Variants in TBC1D22A observed in about 807,000 individuals in gnomAD.
The protein encoded by TBC1D22A is TBC1 domain family member 22A.
A neutral mutation model predicts 60.2 loss-of-function variants in TBC1D22A; 38 were observed. The ratio of observed to expected loss-of-function variants is 0.63; its 90% CI spans 0.49 to 0.83. TBC1D22A has a LOEUF of 0.83. TBC1D22A is among the 40% of genes least tolerant of loss of function. The probability of loss-of-function intolerance (pLI) is 0.00; values close to 1 mark genes in which losing one functional copy is unlikely to be tolerated. For synonymous variants in TBC1D22A, 302 were observed against 281.7 expected, an observed-to-expected ratio of 1.07 and a Z score of -0.72; for missense variants, 628 against 701.0, an observed-to-expected ratio of 0.90 and a Z score of 1.18.
At chr22:47,014,034 G>A (rs73486720) in intron 10 of TBC1D22A, among the ~76,000 whole-genome samples, 81 of 152,334 alleles carry the variant, frequency 5.3e-4, no homozygotes, top group African/African-American at 1.8e-3. Context: ...GCAGTGGGGC[G>A]TGTGGGGATG....
chr22:46,855,480 G>A (rs528994078), intron 4 of TBC1D22A, among the ~76,000 whole-genome samples: 1 of 152,296 alleles, frequency 6.6e-6, no homozygotes, highest in South Asian at 2.1e-4. Context: ...GGGTTCAGAG[G>A]GGCCTGGAAA....
intron 12 of TBC1D22A, among the ~76,000 whole-genome samples, chr22:47,157,159 CT>C (rs2067755266): frequency 6.6e-6 from 1 of 152,210 alleles, no homozygotes; most frequent in African/African-American, 2.4e-5. Context: ...TGTGTTGGCT[CT>C]TTTCACGTAG....
In TBC1D22A at chr22:47,095,317, C is replaced by T. The variant is rs569520596; in HGVS notation, c.1330-16191C>T. Among the ~76,000 whole-genome samples, 40 of 152,334 alleles carry T rather than the reference C, an allele frequency of 2.6e-4. No homozygotes were observed. In the South Asian group the frequency reaches 2.9e-3, roughly 11 times the overall value. ...TAAATACGCATATGCGGGGAAATCTCGTGAGGCCAGAAGGCCATTTGTTTT... is the reference window on the plus strand; with the variant it reads ...TAAATACGCATATGCGGGGAAATCTTGTGAGGCCAGAAGGCCATTTGTTTT... On this transcript the variant is annotated intron_variant, in intron 11 of 12. Coordinates refer to ENST00000337137, the MANE Select transcript of TBC1D22A (RefSeq NM_014346.5).
chr22:46,821,319 G>C (rs1421531318), intron 4 of TBC1D22A, among the ~76,000 whole-genome samples: 1 of 152,112 alleles, frequency 6.6e-6, no homozygotes, highest in Non-Finnish European at 1.5e-5. Context: ...TGATGCAGTT[G>C]CTTCATAGTG....
In TBC1D22A at chr22:46,964,181, C is replaced by G. The variant is rs79288247; in HGVS notation, c.1016-10109C>G. Among the ~76,000 whole-genome samples the G allele has an allele frequency of 1.3e-5, 2 of 152,258 alleles. 1 individual carries two copies. Among genetic ancestry groups the G allele is most frequent in the South Asian group, 4.1e-4 (2 of 4,822 alleles). On this transcript the variant is annotated intron_variant, in intron 8 of 12. Transcript: ENST00000337137. ...CTCTGTGTAGGAAGGCTGGGCCATC[C>G]GAAACACATTCTTTGTGTGAAGCCT... is the stretch of plus-strand genomic sequence containing the variant.
intron 8 of TBC1D22A, among the ~76,000 whole-genome samples, chr22:46,966,870 G>A (rs779957497): frequency 3.9e-5 from 6 of 152,184 alleles, no homozygotes; most frequent in Non-Finnish European, 5.9e-5. Flanking sequence ...CTGCGGGTCT[G>A]CTTGCGGGTG....
intron 12 of TBC1D22A, among the ~76,000 whole-genome samples, chr22:47,134,376 C>T (rs1057200025): frequency 8.5e-5 from 13 of 152,232 alleles, no homozygotes; most frequent in Admixed American, 6.5e-5. Flanking sequence ...AAACAAATGA[C>T]GCCGGCCTGA....
intron 4 of TBC1D22A, among the ~76,000 whole-genome samples, chr22:46,828,232 A>G (rs16995760): frequency 0.039 from 5,934 of 152,234 alleles, 359 homozygotes; most frequent in African/African-American, 0.13. Context: ...ATGATTTCTC[A>G]CCCACGGATT....
rs983273763 is a variant in TBC1D22A at position 46,990,431 on chromosome 22, C to T, written c.1126-7203C>T. Among the ~76,000 whole-genome samples, 1 of 152,138 alleles carries T rather than the reference C, an allele frequency of 6.6e-6. No homozygotes were observed. Among genetic ancestry groups the T allele is most frequent in the Non-Finnish European group, 1.5e-5 (1 of 68,026 alleles). ...TGTGCTCCTCAGCGTCCTCCTTCAG[C>T]CCCAGCCTCCCTGTGATTAGTATCT... On this transcript the variant is annotated intron_variant, in intron 9 of 12. Transcript: ENST00000337137. This position sits in a 1 kb window ranked among gnomAD's most constrained non-coding sequence, Gnocchi z 4.6.
intron 1 of TBC1D22A, among the ~76,000 whole-genome samples, chr22:46,779,858 C>T (rs1002388896): frequency 6.6e-6 from 1 of 152,284 alleles, no homozygotes; most frequent in South Asian, 2.1e-4. Context: ...TGCTGCCAGT[C>T]AGAGTGGTGT....
intron 8 of TBC1D22A, among the ~76,000 whole-genome samples, chr22:46,940,575 CAT>C (rs751740650): frequency 2.2e-5 from 3 of 136,576 alleles, no homozygotes; most frequent in Admixed American, 7.4e-5. Context: ...CACACACACA[CAT>C]GCACACACAC....
In TBC1D22A at chr22:46,974,534, A is replaced by T. The variant is rs559821097; in HGVS notation, c.1125+135A>T. The T allele has an allele frequency of 8.3e-6, 6 of 726,988 alleles. No individual in the cohort carries two copies. The South Asian group carries it at 9.8e-5, about 12-fold the overall frequency. 45.0% of individuals were successfully genotyped at this position (726,988 alleles called of 1,614,324 possible). A position where few individuals can be genotyped will look rare whatever the true frequency, so the allele number is the denominator to read the frequency against. On this transcript the variant is annotated intron_variant, in intron 9 of 12. Coordinates refer to ENST00000337137, the MANE Select transcript of TBC1D22A (RefSeq NM_014346.5). ...TGAAGCCTCACTTTTCTACATCTGG[A>T]ATAGCACAGACCCCTCCGGGTTGAC...
chr22:46,954,167 G>A (rs575388177), intron 8 of TBC1D22A, among the ~76,000 whole-genome samples: 13 of 151,004 alleles, frequency 8.6e-5, no homozygotes, highest in Non-Finnish European at 1.9e-4. Flanking sequence ...AAGTCCACAG[G>A]GCCCATAGGC....
At chr22:46,812,667 C>T (rs2147044704) in intron 4 of TBC1D22A, among the ~76,000 whole-genome samples, 1 of 152,294 alleles carries the variant, frequency 6.6e-6, no homozygotes, top group South Asian at 2.1e-4. Flanking sequence ...GCAGAAGGCT[C>T]ACTGTGTTTA....
At chr22:47,172,211 A>G (rs1039229435) in intron 12 of TBC1D22A, among the ~76,000 whole-genome samples, 2 of 151,970 alleles carry the variant, frequency 1.3e-5, no homozygotes, top group African/African-American at 4.8e-5. Context: ...GTGCCCGCTC[A>G]GTGAGCCTGG....
In TBC1D22A at chr22:47,162,135, T is replaced by C. The variant is rs55736370; in HGVS notation, c.1426-11363T>C. Among the ~76,000 whole-genome samples the C allele has an allele frequency of 8.5e-3, 1,300 of 152,300 alleles. 20 individuals carry two copies. The highest frequency in any genetic ancestry group is 0.03 in the African/African-American group (1,242 of 41,560). On this transcript the variant is annotated intron_variant, in intron 12 of 12. Coordinates refer to ENST00000337137, the MANE Select transcript of TBC1D22A (RefSeq NM_014346.5). ...GACAAGTGTTTCTTCCATTTTTTCATTTATCTTTTGCCTTTATGTGTATAT... is the reference window on the plus strand; with the variant it reads ...GACAAGTGTTTCTTCCATTTTTTCACTTATCTTTTGCCTTTATGTGTATAT...
intron 10 of TBC1D22A, among the ~76,000 whole-genome samples, chr22:47,018,559 A>G (rs1310596203): frequency 1.3e-5 from 2 of 152,224 alleles, no homozygotes; most frequent in Admixed American, 6.5e-5. Context: ...GGCTGACGAC[A>G]CACATTCATG....
At chr22:46,910,095 A>G (rs112700201) in intron 7 of TBC1D22A, among the ~76,000 whole-genome samples, 86 of 152,372 alleles carry the variant, frequency 5.6e-4, no homozygotes, top group African/African-American at 2.0e-3. Flanking sequence ...AGTTCTCTCT[A>G]GAAAGTTGTC....
chr22:46,989,664 G>T (rs535106328), intron 9 of TBC1D22A, among the ~76,000 whole-genome samples: 1 of 151,736 alleles, frequency 6.6e-6, no homozygotes, highest in Admixed American at 6.6e-5. Context: ...AAACAATTAT[G>T]ATAGTAACAT....
Sources: allele counts gnomAD v4.1 joint callset (sites outside exome capture counted in the v4.1 genomes callset), GRCh38; gene constraint gnomAD v4.1.1; non-coding constraint Gnocchi (gnomAD v3.1); transcripts MANE v1.5; gene names NCBI Gene and HGNC (gene_info 2026-07-23, HGNC 2026-07-21).